The following CHCHD3 variants were observed in gnomAD, a reference collection of about 807,000 sequenced individuals.
CHCHD3 encodes MICOS complex subunit MIC19.
In CHCHD3, 20 loss-of-function variants were observed where a neutral mutation model predicts 38.2. That is an observed-to-expected ratio of 0.52 (90% CI 0.37 to 0.76). CHCHD3 has a LOEUF of 0.76. Among genes scored for constraint, CHCHD3 ranks in the 30% least tolerant of loss-of-function variants. The pLI, the probability that CHCHD3 is intolerant of heterozygous loss-of-function variation, is 0.00. For synonymous variants in CHCHD3, 82 were observed against 100.0 expected (o/e 0.82, Z 1.07); for missense variants, 245 against 279.2 (o/e 0.88, Z 0.87).
intron 4 of CHCHD3, among the ~76,000 whole-genome samples, chr7:132,908,488 T>C (rs1449869237): frequency 1.3e-5 from 2 of 152,190 alleles, no homozygotes; most frequent in African/African-American, 2.4e-5. Context: ...TGAGTCAAAG[T>C]AACCTGCACT....
At chr7:133,058,570 T>C (rs1814408855) in intron 2 of CHCHD3, among the ~76,000 whole-genome samples, 1 of 152,248 alleles carries the variant, frequency 6.6e-6, no homozygotes, top group African/African-American at 2.4e-5. Flanking sequence ...GCTGCTTTAA[T>C]ATTTTTGATT....
At chr7:133,007,513 A>G (rs1812732100) in intron 3 of CHCHD3, among the ~76,000 whole-genome samples, 2 of 152,180 alleles carry the variant, frequency 1.3e-5, no homozygotes, top group Admixed American at 1.3e-4. Context: ...CCAGAAACCA[A>G]TCCTAACGGA....
At chr7:132,931,470 G>C (rs551590166) in intron 4 of CHCHD3, among the ~76,000 whole-genome samples, 1 of 152,272 alleles carries the variant, frequency 6.6e-6, no homozygotes, top group African/African-American at 2.4e-5. Context: ...TTGCTCACTG[G>C]TAACAGCTGA....
chr7:132,864,411 A>G (rs574737842), intron 5 of CHCHD3, among the ~76,000 whole-genome samples: 7 of 152,320 alleles, frequency 4.6e-5, no homozygotes, highest in African/African-American at 1.7e-4. Flanking sequence ...AAACAATTAC[A>G]ATAGTAACAT....
chr7:132,856,421 T>G (rs1026242436), intron 5 of CHCHD3, among the ~76,000 whole-genome samples: 1 of 152,220 alleles, frequency 6.6e-6, no homozygotes, highest in East Asian at 1.9e-4. Context: ...ATCTTTACTT[T>G]GAAAAAGATT....
At chr7:132,977,897 A>C (rs181919256) in intron 3 of CHCHD3, among the ~76,000 whole-genome samples, 1 of 152,340 alleles carries the variant, frequency 6.6e-6, no homozygotes, top group Admixed American at 6.5e-5. Context: ...AATGAAAAAG[A>C]AGCAAAACAT....
intron 3 of CHCHD3, among the ~76,000 whole-genome samples, chr7:132,989,745 A>G: frequency 6.6e-6 from 1 of 152,222 alleles, no homozygotes; most frequent in East Asian, 1.9e-4. Flanking sequence ...AAAACTACCT[A>G]GGAGGAAATT....
chr7:133,057,640 T>G (rs901077215), intron 2 of CHCHD3, among the ~76,000 whole-genome samples: 1 of 152,200 alleles, frequency 6.6e-6, no homozygotes, highest in African/African-American at 2.4e-5. Flanking sequence ...AATCACCATT[T>G]TTAACAAGTT....
intron 2 of CHCHD3, among the ~76,000 whole-genome samples, chr7:133,030,556 C>T (rs1349771594): frequency 6.6e-6 from 1 of 152,126 alleles, no homozygotes; most frequent in Non-Finnish European, 1.5e-5. Context: ...AATGTTCAAG[C>T]AATATAAATC....
chr7:132,904,656 G>GT (rs1157814408), intron 4 of CHCHD3, among the ~76,000 whole-genome samples: 1 of 152,182 alleles, frequency 6.6e-6, no homozygotes, highest in African/African-American at 2.4e-5. Flanking sequence ...CTGCAAACTA[G>GT]TTCAACCACT....
At chr7:133,023,437 G>A (rs1018872169) in intron 3 of CHCHD3, among the ~76,000 whole-genome samples, 3 of 152,108 alleles carry the variant, frequency 2.0e-5, no homozygotes, top group Non-Finnish European at 4.4e-5. Context: ...AGGTCCTATG[G>A]CCAGTGAGGA....
chr7:132,965,059 A>ATGTGTG (rs5887603), intron 4 of CHCHD3, among the ~76,000 whole-genome samples: 5,371 of 148,464 alleles, frequency 0.036, 164 homozygotes, highest in African/African-American at 0.079. Context: ...TATGGGTTTT[A>ATGTGTG]TGTGTGTGTG....
intron 4 of CHCHD3, among the ~76,000 whole-genome samples, chr7:132,937,875 TA>T (rs1810669419): frequency 6.6e-6 from 1 of 152,236 alleles, no homozygotes; most frequent in Admixed American, 6.5e-5. Flanking sequence ...CTGTGCTACA[TA>T]AAGAGACTGA....
chr7:132,848,259 G>A (rs1359211318), intron 5 of CHCHD3, among the ~76,000 whole-genome samples: 2 of 152,106 alleles, frequency 1.3e-5, no homozygotes, highest in Non-Finnish European at 2.9e-5. Flanking sequence ...GTCAAATAAC[G>A]GCAGTTCCCA....
At chr7:132,955,173 G>GGTGGGTGTGTGTGTGT (rs1811129169) in intron 4 of CHCHD3, among the ~76,000 whole-genome samples, 1 of 126,226 alleles carries the variant, frequency 7.9e-6, no homozygotes, top group African/African-American at 3.0e-5. Flanking sequence ...TCCCTCAGAG[G>GGTGGGTGTGTGTGTGT]GTGTGTGTGT....
intron 4 of CHCHD3, among the ~76,000 whole-genome samples, chr7:132,903,094 A>G (rs1809710259): frequency 6.6e-6 from 1 of 152,222 alleles, no homozygotes; most frequent in Non-Finnish European, 1.5e-5. Flanking sequence ...TGAAGCAAGT[A>G]CAATTGTCTC....
In CHCHD3 at chr7:133,014,832, C is replaced by T. The variant is rs558500707; in HGVS notation, c.251+9714G>A. 6.6e-5 allele frequency among the ~76,000 whole-genome samples: 10 copies of T among 152,236 alleles called. No individual in the cohort carries two copies. The South Asian group carries it at 1.5e-3, about 22-fold the overall frequency. ...CGTGAAAGGTGCCCAATTTGCTCTA[C>T]TGAACTCAGGAAATCGCTAGTGAGC... On this transcript the variant is annotated intron_variant, in intron 3 of 7. Transcript: ENST00000262570.
At chr7:132,992,025 T>C (rs112420043) in intron 3 of CHCHD3, among the ~76,000 whole-genome samples, 2,842 of 152,298 alleles carry the variant, frequency 0.019, 102 homozygotes, top group African/African-American at 0.064. Flanking sequence ...GATGTGGAGC[T>C]GGCGGGGAAG....
At position 132,916,950 on chromosome 7, in the gene CHCHD3, G is replaced by A. The variant is rs1159144885; in HGVS notation, c.370-31205C>T. 4.6e-5 allele frequency among the ~76,000 whole-genome samples: 7 copies of A among 152,254 alleles called. No homozygotes were observed. The East Asian group carries it at 1.4e-3, about 29-fold the overall frequency. ...ATGGAGAAAAAAAGTTATACATATA[G>A]GGTTTGGTACCATCTGCATTTCAGG... On this transcript the variant is annotated intron_variant, in intron 4 of 7. Coordinates refer to ENST00000262570, the MANE Select transcript of CHCHD3 (RefSeq NM_017812.4).
Sources: allele counts gnomAD v4.1 joint callset (sites outside exome capture counted in the v4.1 genomes callset), GRCh38; gene constraint gnomAD v4.1.1; transcripts MANE v1.5; gene names NCBI Gene and HGNC (gene_info 2026-07-23, HGNC 2026-07-21).